Variants in KLF3 observed in about 807,000 individuals in gnomAD.
The protein encoded by KLF3 is Krueppel-like factor 3.
A neutral mutation model predicts 32.7 loss-of-function variants in KLF3; 6 were observed. The ratio of observed to expected loss-of-function variants is 0.18; its 90% CI spans 0.10 to 0.36. The LOEUF (loss-of-function observed/expected upper bound fraction) is 0.36, where lower values mean the gene tolerates loss of function less well. Ranked by LOEUF, KLF3 falls within the 10% of genes least tolerant of loss-of-function variation. The pLI, the probability that KLF3 is intolerant of heterozygous loss-of-function variation, is 1.00. For missense variants in KLF3, 338 were observed against 449.7 expected (o/e 0.75, Z 2.25); for synonymous variants, 145 against 172.8 (o/e 0.84, Z 1.26).
chr4:38,693,064 A>ATG (rs1491373450), intron 4 of KLF3, among the ~76,000 whole-genome samples: 1 of 140,992 alleles, frequency 7.1e-6, no homozygotes, highest in African/African-American at 2.6e-5. Flanking sequence ...ATATATATAT[A>ATG]TGTATATATA....
chr4:38,688,655 C>T lies in KLF3; in HGVS notation c.128C>T (p.Pro43Leu). ...KYGVIYSTPL[P>L]EKFFQTPEGL... ...GGGGTCATCTACTCCACACCATTGC[C>T]TGAGAAGTTCTTTCAGACCCCAGAA... The change falls in exon 3 of 6, where the codon CCT (proline) becomes CTT (leucine). Residue 43 changes from proline (P) to leucine (L), a missense_variant. Transcript: ENST00000261438. The surrounding 1 kb of genome is among the most constrained non-coding windows in gnomAD (Gnocchi z 4.9). 6.2e-7 allele frequency: 1 copy of T among 1,614,180 alleles called. No homozygotes were observed. The highest frequency in any genetic ancestry group is 8.5e-7 in the Non-Finnish European group (1 of 1,180,026).
rs1267421062 is a variant in KLF3 at position 38,674,092 on chromosome 4, T to G, written c.-39-6495T>G. The stretch of plus-strand genomic sequence containing the variant: ...ACACCCCATGGAATTTTTCTCCTTT[T>G]CAAACCAGTCATAGAAGAGTAGGAC... On this transcript the variant is annotated intron_variant, in intron 1 of 5. Transcript: ENST00000261438. This position sits in a 1 kb window ranked among gnomAD's most constrained non-coding sequence, Gnocchi z 4.1. 6.6e-6 allele frequency among the ~76,000 whole-genome samples: 1 copy of G among 152,204 alleles called. No homozygotes were observed. Among genetic ancestry groups the G allele is most frequent in the Non-Finnish European group, 1.5e-5 (1 of 68,028 alleles).
At chr4:38,678,237 A>T (rs1383268007) in intron 1 of KLF3, among the ~76,000 whole-genome samples, 2 of 152,144 alleles carry the variant, frequency 1.3e-5, no homozygotes, top group African/African-American at 4.8e-5. Flanking sequence ...CATTGATGTA[A>T]GCAGGAGATC....
At chr4:38,670,387 G>C (rs554277417) in intron 1 of KLF3, among the ~76,000 whole-genome samples, 2 of 152,326 alleles carry the variant, frequency 1.3e-5, no homozygotes, top group South Asian at 2.1e-4. Context: ...CCAAATCAGT[G>C]GAGTTTGGCC....
At chr4:38,684,157 A>G (rs1722619153) in intron 2 of KLF3, among the ~76,000 whole-genome samples, 1 of 152,204 alleles carries the variant, frequency 6.6e-6, no homozygotes. Flanking sequence ...CGCCAAAACT[A>G]TTCCTCATAA....
intron 2 of KLF3, among the ~76,000 whole-genome samples, chr4:38,686,242 C>G (rs892454634): frequency 6.6e-6 from 1 of 151,796 alleles, no homozygotes; most frequent in Admixed American, 6.6e-5. Context: ...CCCAAGAGTA[C>G]GAGACCAGCC....
intron 1 of KLF3, among the ~76,000 whole-genome samples, chr4:38,677,269 C>T (rs1219348242): frequency 6.6e-6 from 1 of 152,060 alleles, no homozygotes; most frequent in African/African-American, 2.4e-5. Flanking sequence ...TCAGTGCCAG[C>T]GTTTTATACT....
rs1723172824 is a variant in KLF3, at chr4:38,700,688, T to A, written c.*3425T>A. 1 of 152,226 alleles carries A rather than the reference T, an allele frequency of 6.6e-6. No individual in the cohort carries two copies. The highest frequency in any genetic ancestry group is 6.5e-5 in the Admixed American group (1 of 15,290). The allele number at this position is 152,226 out of a possible 1,614,324, so 9.4% of individuals were successfully genotyped here. On this transcript the variant is annotated 3_prime_UTR_variant, in exon 6 of 6. Coordinates refer to ENST00000261438, the MANE Select transcript of KLF3 (RefSeq NM_016531.6). Reference sequence around the variant, plus strand: ...TGCTTAGCATCTCTTAAACCATACCTGCAAATATAGCAGGATTATTACATT... The same window carrying A: ...TGCTTAGCATCTCTTAAACCATACCAGCAAATATAGCAGGATTATTACATT...
intron 2 of KLF3, among the ~76,000 whole-genome samples, chr4:38,685,414 C>T (rs1255166638): frequency 2.6e-5 from 4 of 152,134 alleles, no homozygotes; most frequent in Non-Finnish European, 5.9e-5. Flanking sequence ...GGAATGAGGG[C>T]ATTCATTTGA....
intron 1 of KLF3, among the ~76,000 whole-genome samples, chr4:38,665,744 G>C (rs1722014002): frequency 6.6e-6 from 1 of 152,184 alleles, no homozygotes; most frequent in South Asian, 2.1e-4. Flanking sequence ...AAATCAAGTG[G>C]GGAATAGGCC....
chr4:38,678,455 T>C lies in KLF3; in HGVS notation c.-39-2132T>C, dbSNP rs550634636. Among the ~76,000 whole-genome samples the C allele has an allele frequency of 1.8e-4, 27 of 152,328 alleles. No homozygotes were observed. In the South Asian group the frequency reaches 5.6e-3, roughly 32 times the overall value. On this transcript the variant is annotated intron_variant, in intron 1 of 5. Transcript: ENST00000261438. ...ATACATAAGAGGGTAGTAGCACTAT[T>C]GATTTGAGCAGCTTGGTATCAAATT...
In KLF3 at chr4:38,698,424, A is replaced by G. The variant is rs919879297; in HGVS notation, c.*1161A>G. Reference sequence around the variant, plus strand: ...GCCAAATTGGCTGTCATTTGTATTCATGACACATACCATAAAGCATCTGCT... The same window carrying G: ...GCCAAATTGGCTGTCATTTGTATTCGTGACACATACCATAAAGCATCTGCT... On this transcript the variant is annotated 3_prime_UTR_variant, in exon 6 of 6. Coordinates refer to ENST00000261438, the MANE Select transcript of KLF3 (RefSeq NM_016531.6). 6.6e-6 allele frequency: 1 copy of G among 152,660 alleles called. No homozygotes were observed. The highest frequency in any genetic ancestry group is 2.4e-5 in the African/African-American group (1 of 41,458). 9.5% of individuals were successfully genotyped at this position (152,660 alleles called of 1,614,324 possible). A position where few individuals can be genotyped will look rare whatever the true frequency, so the allele number is the denominator to read the frequency against.
In KLF3 at chr4:38,688,946, G is replaced by C; in HGVS notation, c.419G>C (p.Gly140Ala). 6.2e-7 allele frequency: 1 copy of C among 1,614,224 alleles called. No homozygotes were observed. Among genetic ancestry groups the C allele is most frequent in the Non-Finnish European group, 8.5e-7 (1 of 1,180,050 alleles). ...TCGCGGCATGGAATACGGAGCCCGG[G>C]GATCCTGCCCGTCATCCAGCCGGTG... The part of the protein sequence containing the change: ...ALSRHGIRSP[G>A]ILPVIQPVVV... Residue 140 changes from glycine (G) to alanine (A), a missense_variant, in exon 3 of 6, where the codon GGG (glycine) becomes GCG (alanine). Around this residue, in one of 2 missense-constraint regions of KLF3, gnomAD observed 272 missense variants for 313.4 expected, o/e 0.87. Transcript: ENST00000261438. This position sits in a 1 kb window ranked among gnomAD's most constrained non-coding sequence, Gnocchi z 4.9.
chr4:38,694,677 C>A, intron 4 of KLF3, 69 bp from the exon 5 acceptor site: 1 of 1,360,786 alleles, frequency 7.3e-7, no homozygotes, highest in Non-Finnish European at 9.9e-7. Context: ...GTTGTTAATG[C>A]TTTTAGTAGA....
chr4:38,696,838 A>G (rs1346461366), intron 5 of KLF3, among the ~76,000 whole-genome samples: 2 of 150,058 alleles, frequency 1.3e-5, no homozygotes, highest in Non-Finnish European at 2.9e-5. Context: ...AATGGATTTC[A>G]GTGACTCTGT....
intron 5 of KLF3, among the ~76,000 whole-genome samples, chr4:38,695,355 GAA>G (rs1375802110): frequency 1.3e-5 from 2 of 152,200 alleles, no homozygotes; most frequent in Non-Finnish European, 2.9e-5. Context: ...TTCAAGGAAA[GAA>G]AAGTGAAGAA....
Position 38,699,177 on chromosome 4 carries a change from T to TAA in KLF3, c.*1916_*1917dup, listed in dbSNP as rs1264141674. On this transcript the variant is annotated 3_prime_UTR_variant, in exon 6 of 6. Coordinates refer to ENST00000261438, the MANE Select transcript of KLF3 (RefSeq NM_016531.6). ...CACTTGGGTTTGATTTTCCTTTTTT[T>TAA]AAAGCACTGCAAAACTTCTTTAGGA... The TAA allele has an allele frequency of 6.6e-6, 1 of 152,344 alleles. No homozygotes were observed. Among genetic ancestry groups the TAA allele is most frequent in the Non-Finnish European group, 1.5e-5 (1 of 68,032 alleles). 9.4% of individuals were successfully genotyped at this position (152,344 alleles called of 1,614,324 possible).
chr4:38,684,254 C>A (rs1722622481), intron 2 of KLF3, among the ~76,000 whole-genome samples: 1 of 152,132 alleles, frequency 6.6e-6, no homozygotes, highest in African/African-American at 2.4e-5. Context: ...TTCCCTGTTG[C>A]AATTAAAATC....
intron 1 of KLF3, among the ~76,000 whole-genome samples, chr4:38,667,448 C>G (rs1722079347): frequency 6.6e-6 from 1 of 152,174 alleles, no homozygotes; most frequent in African/African-American, 2.4e-5. Flanking sequence ...TTGCTTAAGA[C>G]GCCTGTGTTA....
Sources: allele counts gnomAD v4.1 joint callset (sites outside exome capture counted in the v4.1 genomes callset), GRCh38; gene constraint gnomAD v4.1.1; regional missense constraint gnomAD v4.1.1; non-coding constraint Gnocchi (gnomAD v3.1); transcripts MANE v1.5; gene names NCBI Gene and HGNC (gene_info 2026-07-23, HGNC 2026-07-21).